The following SYCE1L variants were observed in gnomAD, a reference collection of about 807,000 sequenced individuals.
The protein encoded by SYCE1L is synaptonemal complex central element protein 1 like, also known as synaptonemal complex central element protein 1-like.
In SYCE1L, 51 loss-of-function variants were observed where a neutral mutation model predicts 39.6. The ratio of observed to expected loss-of-function variants is 1.29; its 90% CI spans 1.03 to 1.63. The LOEUF is 1.63. Among genes scored for constraint, SYCE1L ranks in the 40% most tolerant of loss-of-function variants. The pLI is 0.00. For missense variants in SYCE1L, 426 were observed against 304.9 expected (o/e 1.40, Z -2.96); for synonymous variants, 147 against 122.4 (o/e 1.20, Z -1.33).
Position 77,213,024 on chromosome 16 carries a change from T to C in SYCE1L, c.*93T>C. 7.6e-7 allele frequency: 1 copy of C among 1,314,262 alleles called. No homozygotes were observed. Among genetic ancestry groups the C allele is most frequent in the South Asian group, 1.5e-5 (1 of 64,562 alleles). The allele number at this position is 1,314,262 out of a possible 1,614,324, so 81.4% of individuals were successfully genotyped here. A position where few individuals can be genotyped will look rare whatever the true frequency, so the allele number is the denominator to read the frequency against. On this transcript the variant is annotated 3_prime_UTR_variant, in exon 11 of 11. Coordinates refer to ENST00000378644, the MANE Select transcript of SYCE1L (RefSeq NM_001129979.3). ...GACCATGCTCGCGTTCTCCGCGGAG[T>C]CTGTGCTACACCGTGGAGCGGGGCG...
chr16:77,207,779 A>T (rs886708030), intron 2 of SYCE1L, among the ~76,000 whole-genome samples: 10 of 151,772 alleles, frequency 6.6e-5, no homozygotes, highest in African/African-American at 2.2e-4. Context: ...CACGTGCCTC[A>T]CCCGCTCCTG....
chr16:77,204,071 CAA>C (rs985995015), intron 1 of SYCE1L, among the ~76,000 whole-genome samples: 3 of 136,750 alleles, frequency 2.2e-5, no homozygotes, highest in Non-Finnish European at 3.2e-5. Context: ...GTCCAGTTGG[CAA>C]AAAAAAAAAG....
At chr16:77,204,510 C>G (rs902615968) in intron 1 of SYCE1L, among the ~76,000 whole-genome samples, 7 of 152,154 alleles carry the variant, frequency 4.6e-5, no homozygotes, top group Non-Finnish European at 1.0e-4. Context: ...GTTTGTGGTA[C>G]TTTGTTATGG....
At chr16:77,208,607 C>A in intron 4 of SYCE1L, 68 bp downstream of exon 4, 1 of 1,458,708 alleles carries the variant, frequency 6.9e-7, no homozygotes, top group Non-Finnish European at 9.4e-7. Context: ...AGGGCCTTTG[C>A]ACAGGCTGCT....
At chr16:77,200,291 T>TATATATATATATATATATACACACAC in intron 1 of SYCE1L, 13 of 111,388 alleles carry the variant, frequency 1.2e-4, no homozygotes, top group African/African-American at 3.4e-4. Context: ...TATATATATA[T>TATATATATATATATATATACACACAC]ACACACACTA....
intron 1 of SYCE1L, chr16:77,201,643 A>G (rs1438744602): frequency 6.6e-6 from 1 of 152,204 alleles, no homozygotes; most frequent in Non-Finnish European, 1.5e-5. Context: ...TGGACCAGGA[A>G]TGGTCACTGG....
At chr16:77,212,700 G>A (rs1354384103) in intron 10 of SYCE1L, 54 bp downstream of exon 10, 5 of 1,475,508 alleles carry the variant, frequency 3.4e-6, no homozygotes, top group East Asian at 2.5e-5. Flanking sequence ...TCAGGAGAGA[G>A]CGGGCGGGGG....
intron 7 of SYCE1L, 57 bp from the exon 8 acceptor site, chr16:77,212,073 C>T (rs748574469): frequency 2.0e-6 from 3 of 1,503,410 alleles, no homozygotes; most frequent in Non-Finnish European, 1.8e-6. Context: ...AGGGGAGGGG[C>T]GGGCCGTGTA....
chr16:77,200,172 A>T (rs542838092), intron 1 of SYCE1L: 1 of 150,264 alleles, frequency 6.7e-6, no homozygotes, highest in African/African-American at 2.4e-5. Flanking sequence ...TCTACTAAAA[A>T]ACTATATATA....
intron 5 of SYCE1L, 92 bp from the exon 6 acceptor site, chr16:77,209,325 C>A: frequency 7.0e-7 from 1 of 1,433,060 alleles, no homozygotes; most frequent in Non-Finnish European, 9.6e-7. Context: ...ACAGTGCCCT[C>A]CAATGCCTGA....
At chr16:77,209,894 G>C (rs1284520946) in intron 6 of SYCE1L, among the ~76,000 whole-genome samples, 1 of 152,188 alleles carries the variant, frequency 6.6e-6, no homozygotes, top group East Asian at 1.9e-4. Flanking sequence ...CATCCAGCCA[G>C]ATGGCTGTTT....
At chr16:77,210,611 G>C (rs1356396627) in intron 6 of SYCE1L, among the ~76,000 whole-genome samples, 1 of 151,996 alleles carries the variant, frequency 6.6e-6, no homozygotes, top group Non-Finnish European at 1.5e-5. Flanking sequence ...ACTTGGCCAG[G>C]GTCTCGGTGA....
chr16:77,206,437 A>C lies in SYCE1L; in HGVS notation c.62-4A>C, dbSNP rs1326950058. The C allele has an allele frequency of 3.9e-6, 6 of 1,551,184 alleles. No homozygotes were observed. In the East Asian group the frequency reaches 1.5e-4, roughly 38 times the overall value. On this transcript the variant is annotated splice_polypyrimidine_tract_variant and splice_region_variant and intron_variant, in intron 1 of 10. Transcript: ENST00000378644. ...TCCTGTAATTTTGATTTTCCTTTCTACAGGGCAAGCCAAGTCTTTGAAGAC... is the reference window on the plus strand; with the variant it reads ...TCCTGTAATTTTGATTTTCCTTTCTCCAGGGCAAGCCAAGTCTTTGAAGAC...
intron 1 of SYCE1L, 136 bp from the exon 2 acceptor site, chr16:77,206,305 G>A (rs1483018472): frequency 2.8e-6 from 2 of 713,812 alleles, no homozygotes; most frequent in East Asian, 5.4e-5. Flanking sequence ...CCCTGCTTCA[G>A]ATGGAAACCT....
At position 77,212,087 on chromosome 16, in the gene SYCE1L, A is replaced by C. The variant is rs2054826436; in HGVS notation, c.424-43A>C. The C allele has an allele frequency of 2.0e-6, 3 of 1,530,800 alleles. No individual in the cohort carries two copies. The East Asian group carries it at 7.5e-5, about 38-fold the overall frequency. The allele number at this position is 1,530,800 out of a possible 1,614,324, so 94.8% of individuals were successfully genotyped here. ...AAGGGGAGGGGCGGGCCGTGTAGCC[A>C]AGAGGACGGCCAAACGGGGAGGCCT... On this transcript the variant is annotated intron_variant, in intron 7 of 10. Transcript: ENST00000378644.
chr16:77,212,487 C>T (rs2054831630), intron 9 of SYCE1L, 87 bp from the exon 10 acceptor site: 2 of 1,538,688 alleles, frequency 1.3e-6, no homozygotes. Context: ...CCCTCGGCGT[C>T]GTCGGGTCTC....
chr16:77,213,180 C>T lies in SYCE1L; in HGVS notation c.*249C>T, dbSNP rs2278046. ...TAAGTGGGTGTCAGTATCCCCCGCC[C>T]CACGGCCTCATCTCGAGTTCCCAAA... On this transcript the variant is annotated 3_prime_UTR_variant, in exon 11 of 11. Coordinates refer to ENST00000378644, the MANE Select transcript of SYCE1L (RefSeq NM_001129979.3). 0.32 allele frequency: 125,031 copies of T among 389,448 alleles called. 20,633 individuals are homozygous for T. The highest frequency in any genetic ancestry group is 0.44 in the Admixed American group (9,895 of 22,556). 24.1% of individuals were successfully genotyped at this position (389,448 alleles called of 1,614,324 possible). A position where few individuals can be genotyped will look rare whatever the true frequency, so the allele number is the denominator to read the frequency against.
chr16:77,203,792 G>T (rs1438742309), intron 1 of SYCE1L, among the ~76,000 whole-genome samples: 1 of 151,782 alleles, frequency 6.6e-6, no homozygotes, highest in Non-Finnish European at 1.5e-5. Context: ...TTGGGGTTTT[G>T]CCACGTTGGC....
At chr16:77,208,072 C>A in intron 2 of SYCE1L, 138 bp from the exon 3 acceptor site, 1 of 832,186 alleles carries the variant, frequency 1.2e-6, no homozygotes, top group Non-Finnish European at 1.8e-6. Flanking sequence ...TCAAGGGGCT[C>A]TGGCAGAGCT....
Sources: gnomAD v4.1 joint callset for allele counts (sites outside exome capture counted in the v4.1 genomes callset) on GRCh38, gnomAD v4.1.1 for gene constraint, MANE v1.5 for transcripts, NCBI Gene and HGNC (gene_info 2026-07-23, HGNC 2026-07-21) for gene names.